The following ARFGEF3 variants were observed in gnomAD, a reference collection of about 807,000 sequenced individuals.
The protein encoded by ARFGEF3 is ARFGEF family member 3, also known as brefeldin A-inhibited guanine nucleotide-exchange protein 3.
Under a neutral mutation model 221.7 loss-of-function variants are expected in ARFGEF3, and 96 were observed. The observed-to-expected ratio is 0.43, with a 90% CI of 0.37 to 0.51. The LOEUF (loss-of-function observed/expected upper bound fraction) is 0.51. Ranked by LOEUF, ARFGEF3 falls within the 20% of genes least tolerant of loss-of-function variation. The pLI is 0.00. For synonymous variants in ARFGEF3, 1,145 were observed against 1,126.8 expected, an observed-to-expected ratio of 1.02 and a Z score of -0.32; for missense variants, 2,410 against 2,789.9, an observed-to-expected ratio of 0.86 and a Z score of 3.07.
intron 2 of ARFGEF3, among the ~76,000 whole-genome samples, chr6:138,203,817 A>G (rs186129724): frequency 1.1e-4 from 16 of 151,924 alleles, no homozygotes; most frequent in Admixed American, 3.9e-4. Flanking sequence ...ATTTTTTTGC[A>G]TTTTTAGTAG....
At chr6:138,289,100 T>G (rs1275584231) in intron 17 of ARFGEF3, among the ~76,000 whole-genome samples, 1 of 152,162 alleles carries the variant, frequency 6.6e-6, no homozygotes, top group African/African-American at 2.4e-5. Flanking sequence ...ATTACAGGCA[T>G]GTGCCACCAT....
chr6:138,176,343 C>A lies in ARFGEF3; in HGVS notation c.137+5630C>A, dbSNP rs143276236. Among the ~76,000 whole-genome samples the A allele has an allele frequency of 4.9e-3, 744 of 152,094 alleles. 7 individuals are homozygous for A. The highest frequency in any genetic ancestry group is 0.017 in the African/African-American group (691 of 41,476). On this transcript the variant is annotated intron_variant, in intron 2 of 33. Coordinates refer to ENST00000251691, the MANE Select transcript of ARFGEF3 (RefSeq NM_020340.5). ...ACTACAGGCACAGCGCCACCACACC[C>A]GGCCAATTTTTGTGTTTTTAGTAGA...
chr6:138,329,699 G>A (rs141257434), intron 32 of ARFGEF3, among the ~76,000 whole-genome samples: 213 of 152,250 alleles, frequency 1.4e-3, no homozygotes, highest in African/African-American at 4.4e-3. Context: ...ACTGGGTTTG[G>A]TTGAACATAA....
chr6:138,295,627 C>CAAAAAAAAAA (rs34138067), intron 20 of ARFGEF3, among the ~76,000 whole-genome samples: 1 of 126,082 alleles, frequency 7.9e-6, no homozygotes, highest in East Asian at 2.2e-4. Flanking sequence ...GAGACTCCCT[C>CAAAAAAAAAA]AAAAAAAAAA....
At chr6:138,169,427 G>T (rs1776784401) in intron 1 of ARFGEF3, among the ~76,000 whole-genome samples, 1 of 152,118 alleles carries the variant, frequency 6.6e-6, no homozygotes, top group African/African-American at 2.4e-5. Flanking sequence ...TATAGAGCTG[G>T]GCACTGTTAC....
At chr6:138,176,167 T>C (rs1353666532) in intron 2 of ARFGEF3, among the ~76,000 whole-genome samples, 1 of 144,798 alleles carries the variant, frequency 6.9e-6, no homozygotes, top group African/African-American at 2.6e-5. Context: ...AAGCAGCGTA[T>C]AGTTGGTAGT....
At chr6:138,319,642 G>T in intron 27 of ARFGEF3, 61 bp from the exon 28 acceptor site, 1 of 1,217,316 alleles carries the variant, frequency 8.2e-7, no homozygotes. Context: ...ACAATGCCAG[G>T]TGGAGGCAAA....
chr6:138,245,425 T>C (rs756621682), intron 7 of ARFGEF3, 88 bp from the exon 8 acceptor site: 37 of 889,928 alleles, frequency 4.2e-5, no homozygotes, highest in Non-Finnish European at 6.8e-5. Flanking sequence ...TCAAAAACCA[T>C]CTAAAGTGGA....
intron 24 of ARFGEF3, 130 bp downstream of exon 24, chr6:138,308,991 G>A: frequency 8.9e-7 from 1 of 1,117,626 alleles, no homozygotes; most frequent in East Asian, 2.4e-5. Context: ...AGATGGTGGT[G>A]TTGTGTACTC....
At chr6:138,197,274 G>C (rs1469740088) in intron 2 of ARFGEF3, among the ~76,000 whole-genome samples, 1 of 152,088 alleles carries the variant, frequency 6.6e-6, no homozygotes, top group Non-Finnish European at 1.5e-5. Context: ...AGGTCTTCAG[G>C]GTCAGTAAAA....
At chr6:138,272,645 C>G (rs2114607484) in intron 12 of ARFGEF3, among the ~76,000 whole-genome samples, 1 of 152,290 alleles carries the variant, frequency 6.6e-6, no homozygotes, top group Non-Finnish European at 1.5e-5. Flanking sequence ...CTTGCAACCT[C>G]TATCAGAAGA....
At chr6:138,266,981 A>G (rs1275787717) in intron 12 of ARFGEF3, among the ~76,000 whole-genome samples, 1 of 151,994 alleles carries the variant, frequency 6.6e-6, no homozygotes, top group African/African-American at 2.4e-5. Flanking sequence ...GAATATTCAT[A>G]TGGAGACGTT....
chr6:138,310,188 C>T (rs1055083274), intron 24 of ARFGEF3, among the ~76,000 whole-genome samples: 14 of 152,276 alleles, frequency 9.2e-5, no homozygotes, highest in African/African-American at 3.1e-4. Flanking sequence ...GACTTGGATG[C>T]GTTCAAATAC....
intron 2 of ARFGEF3, among the ~76,000 whole-genome samples, chr6:138,180,570 T>C (rs1280998481): frequency 6.6e-6 from 1 of 152,154 alleles, no homozygotes; most frequent in Non-Finnish European, 1.5e-5. Flanking sequence ...TCAAACTCTG[T>C]TGAGTTTTGC....
chr6:138,311,103 G>A (rs1201587682), intron 24 of ARFGEF3, among the ~76,000 whole-genome samples: 1 of 152,224 alleles, frequency 6.6e-6, no homozygotes, highest in Non-Finnish European at 1.5e-5. Context: ...TGAAAGTACT[G>A]TGGTAGAAGA....
At chr6:138,217,844 C>G in intron 4 of ARFGEF3, 1 of 1,189,326 alleles carries the variant, frequency 8.4e-7, no homozygotes, top group Non-Finnish European at 1.1e-6. Context: ...GAAATAACCT[C>G]CTACATCATC....
chr6:138,212,436 C>T (rs1777747890), intron 4 of ARFGEF3, among the ~76,000 whole-genome samples: 1 of 152,194 alleles, frequency 6.6e-6, no homozygotes, highest in Non-Finnish European at 1.5e-5. Flanking sequence ...TAAATTAGTT[C>T]AACCATTGTG....
chr6:138,290,333 T>C (rs1779380783), intron 18 of ARFGEF3, among the ~76,000 whole-genome samples: 1 of 152,234 alleles, frequency 6.6e-6, no homozygotes, highest in Non-Finnish European at 1.5e-5. Context: ...CATTGCTATA[T>C]GTTTATCAAT....
rs1316497406 is a variant in ARFGEF3, at chr6:138,291,964, G to C, written c.3279G>C (p.Arg1093=). 12 of 1,533,636 alleles carry C rather than the reference G, an allele frequency of 7.8e-6. No homozygotes were observed. In the African/African-American group the frequency reaches 1.3e-4, roughly 16 times the overall value. ...SIQDLVREGS[R]GRASDFRGGS... Reference sequence around the variant, plus strand: ...AGGACCTCGTCCGGGAAGGCAGCCGGGGTCGGGCCTCCGACTTCCGCGGCG... The same window carrying C: ...AGGACCTCGTCCGGGAAGGCAGCCGCGGTCGGGCCTCCGACTTCCGCGGCG... Residue 1093 remains arginine, a synonymous_variant, in exon 19 of 34, where the codon CGG becomes CGC. Coordinates refer to ENST00000251691, the MANE Select transcript of ARFGEF3 (RefSeq NM_020340.5). This position sits in a 1 kb window ranked among gnomAD's most constrained non-coding sequence, Gnocchi z 4.5.
Sources: gnomAD v4.1 joint callset for allele counts (sites outside exome capture counted in the v4.1 genomes callset) on GRCh38, gnomAD v4.1.1 for gene constraint, Gnocchi (gnomAD v3.1) non-coding constraint, MANE v1.5 for transcripts, NCBI Gene and HGNC (gene_info 2026-07-23, HGNC 2026-07-21) for gene names.